FOXN3: variants seen among roughly 807,000 people sequenced by gnomAD.
The protein encoded by FOXN3 is forkhead box protein N3.
Under a neutral mutation model 38.4 loss-of-function variants are expected in FOXN3, and 7 were observed. The observed-to-expected ratio is 0.18, with a 90% CI of 0.10 to 0.34. FOXN3 has a LOEUF of 0.34. FOXN3 is among the 10% of genes least tolerant of loss of function. The probability of loss-of-function intolerance (pLI) is 1.00; values close to 1 mark genes in which losing one functional copy is unlikely to be tolerated. For synonymous variants in FOXN3, 230 were observed against 242.2 expected (o/e 0.95, Z 0.47); for missense variants, 456 against 613.4 (o/e 0.74, Z 2.71).
At position 89,309,550 on chromosome 14, in the gene FOXN3, C is replaced by T. The variant is rs1227204718; in HGVS notation, c.681-28536G>A. ...TGAACACTTCGTTAACTGGGTATAA[C>T]TAACCATTGGAGCAACAGCAAAACC... On this transcript the variant is annotated intron_variant, in intron 3 of 5. Coordinates refer to ENST00000557258, the MANE Select transcript of FOXN3 (RefSeq NM_005197.4). 2.9e-5 allele frequency among the ~76,000 whole-genome samples: 4 copies of T among 138,072 alleles called. No homozygotes were observed. In the East Asian group the frequency reaches 8.4e-4, roughly 29 times the overall value. 90.6% of individuals were successfully genotyped at this position (138,072 alleles called of 152,430 possible). A position where few individuals can be genotyped will look rare whatever the true frequency, so the allele number is the denominator to read the frequency against.
intron 2 of FOXN3, among the ~76,000 whole-genome samples, chr14:89,383,154 T>C (rs1890705468): frequency 1.3e-5 from 2 of 150,484 alleles, no homozygotes; most frequent in African/African-American, 4.9e-5. Flanking sequence ...ACTAAACATA[T>C]GTCCCTCAAA....
chr14:89,617,872 A>C (rs1355878332), intron 1 of FOXN3, among the ~76,000 whole-genome samples: 2 of 152,212 alleles, frequency 1.3e-5, no homozygotes, highest in Non-Finnish European at 2.9e-5. Flanking sequence ...GTTTTGGGTG[A>C]CTGTTTTCAT....
rs1884662558 is a variant in FOXN3 at position 89,227,037 on chromosome 14, A to G, written c.746-46231T>C. Among the ~76,000 whole-genome samples, 3 of 152,244 alleles carry G rather than the reference A, an allele frequency of 2.0e-5. No homozygotes were observed. In the South Asian group the frequency reaches 6.2e-4, roughly 32 times the overall value. ...GGTACTTTGTTACGGCAGCCCTAGCAAACTAACATGCTAAGCAAACAGAGC... is the reference window on the plus strand; with the variant it reads ...GGTACTTTGTTACGGCAGCCCTAGCGAACTAACATGCTAAGCAAACAGAGC... On this transcript the variant is annotated intron_variant, in intron 4 of 5. Coordinates refer to ENST00000557258, the MANE Select transcript of FOXN3 (RefSeq NM_005197.4).
intron 1 of FOXN3, among the ~76,000 whole-genome samples, chr14:89,614,425 T>G (rs1029460048): frequency 1.3e-5 from 2 of 152,218 alleles, no homozygotes; most frequent in African/African-American, 4.8e-5. Context: ...GGCTCTTTCA[T>G]GCTTGTGGTC....
At chr14:89,224,043 T>A (rs1349176855) in intron 4 of FOXN3, among the ~76,000 whole-genome samples, 2 of 151,820 alleles carry the variant, frequency 1.3e-5, no homozygotes, top group Non-Finnish European at 2.9e-5. Context: ...TAACTTAAAA[T>A]GTGGCATTAA....
intron 1 of FOXN3, among the ~76,000 whole-genome samples, chr14:89,610,885 A>T (rs1469088798): frequency 1.3e-5 from 2 of 152,354 alleles, no homozygotes; most frequent in East Asian, 3.9e-4. Flanking sequence ...CTTTTAAAAT[A>T]ATTTCATACA....
At chr14:89,539,833 C>T (rs1342150470) in intron 1 of FOXN3, among the ~76,000 whole-genome samples, 1 of 152,036 alleles carries the variant, frequency 6.6e-6, no homozygotes, top group African/African-American at 2.4e-5. Context: ...CCTTCTGATA[C>T]TAAAACAAAA....
At chr14:89,282,882 ATAAAGATTCTTACAACATACC>A (rs1219703563) in intron 3 of FOXN3, among the ~76,000 whole-genome samples, 3 of 152,218 alleles carry the variant, frequency 2.0e-5, no homozygotes, top group African/African-American at 4.8e-5. Flanking sequence ...TCTCTGTATG[ATAAAGATTCTTACAACATACC>A]TAAAGATTCT....
At chr14:89,266,873 T>C (rs543127715) in intron 4 of FOXN3, among the ~76,000 whole-genome samples, 2 of 152,252 alleles carry the variant, frequency 1.3e-5, no homozygotes, top group East Asian at 3.9e-4. Context: ...AGAGACGCCA[T>C]TGTATTTGCA....
intron 5 of FOXN3, among the ~76,000 whole-genome samples, chr14:89,175,364 C>G (rs1470147213): frequency 1.3e-5 from 2 of 152,144 alleles, no homozygotes; most frequent in Non-Finnish European, 2.9e-5. Context: ...AATGGCTTTG[C>G]CAACAAATGT....
intron 5 of FOXN3, among the ~76,000 whole-genome samples, chr14:89,173,979 C>T (rs1415354994): frequency 6.6e-6 from 1 of 151,892 alleles, no homozygotes. Context: ...GGTGACAAAG[C>T]GAGACCCTGT....
intron 1 of FOXN3, among the ~76,000 whole-genome samples, chr14:89,488,231 C>T (rs1893492284): frequency 6.6e-6 from 1 of 151,980 alleles, no homozygotes. Context: ...CACAGGAGCC[C>T]ACCACCACAC....
At chr14:89,211,110 T>C (rs1044701551) in intron 4 of FOXN3, among the ~76,000 whole-genome samples, 1 of 152,202 alleles carries the variant, frequency 6.6e-6, no homozygotes, top group Non-Finnish European at 1.5e-5. Context: ...TCATTACCTT[T>C]CAACTAGAAT....
chr14:89,452,978 C>T (rs1343763475), intron 1 of FOXN3, among the ~76,000 whole-genome samples: 1 of 152,116 alleles, frequency 6.6e-6, no homozygotes, highest in Admixed American at 6.6e-5. Context: ...ATGGGCAGAT[C>T]ATCTGAGGTC....
At chr14:89,465,392 G>A (rs1186949168) in intron 1 of FOXN3, among the ~76,000 whole-genome samples, 2 of 152,150 alleles carry the variant, frequency 1.3e-5, no homozygotes, top group African/African-American at 4.8e-5. Context: ...ACCACTCCCA[G>A]CTAATTTTTG....
chr14:89,416,957 G>C lies in FOXN3; in HGVS notation c.-101C>G, dbSNP rs1891754807. The C allele has an allele frequency of 6.7e-6, 1 of 149,684 alleles. No homozygotes were observed. Among genetic ancestry groups the C allele is most frequent in the African/African-American group, 2.4e-5 (1 of 41,060 alleles). The allele number at this position is 149,684 out of a possible 1,614,324, so 9.3% of individuals were successfully genotyped here. A position where few individuals can be genotyped will look rare whatever the true frequency, so the allele number is the denominator to read the frequency against. ...CTTTCGCGGGCGCCCGGCGGGCATC[G>C]CTCGGTGGCCCCGCTAAGGACGCGC... On this transcript the variant is annotated 5_prime_UTR_variant, in exon 1 of 6. Coordinates refer to ENST00000557258, the MANE Select transcript of FOXN3 (RefSeq NM_005197.4).
intron 1 of FOXN3, among the ~76,000 whole-genome samples, chr14:89,445,261 G>T (rs1368110523): frequency 6.6e-6 from 1 of 152,178 alleles, no homozygotes; most frequent in Admixed American, 6.5e-5. Context: ...GTAAAATGGG[G>T]ATGGTGACTA....
chr14:89,347,819 G>C (rs1293538919), intron 3 of FOXN3, among the ~76,000 whole-genome samples: 1 of 152,140 alleles, frequency 6.6e-6, no homozygotes, highest in Non-Finnish European at 1.5e-5. Flanking sequence ...GGGTGTGGTG[G>C]CGCCTGCCTG....
At chr14:89,323,965 G>A (rs972441641) in intron 3 of FOXN3, among the ~76,000 whole-genome samples, 9 of 152,108 alleles carry the variant, frequency 5.9e-5, no homozygotes, top group Admixed American at 2.6e-4. Context: ...GACCTCTAGC[G>A]TGGTGCCTTT....
Sources: allele counts gnomAD v4.1 joint callset (sites outside exome capture counted in the v4.1 genomes callset), GRCh38; gene constraint gnomAD v4.1.1; transcripts MANE v1.5; gene names NCBI Gene and HGNC (gene_info 2026-07-23, HGNC 2026-07-21).